ABLIM1: variants seen among roughly 807,000 people sequenced by gnomAD.
ABLIM1 encodes the protein actin binding LIM protein 1.
Under a neutral mutation model 107.0 loss-of-function variants are expected in ABLIM1, and 40 were observed. The observed-to-expected ratio is 0.37, with a 90% CI of 0.29 to 0.49. The LOEUF is 0.49. Ranked by LOEUF, ABLIM1 falls within the 20% of genes least tolerant of loss-of-function variation. The pLI is 0.97. For missense variants in ABLIM1, 857 were observed against 1,008.5 expected (o/e 0.85, Z 2.04); for synonymous variants, 357 against 357.3 (o/e 1.00, Z 0.01).
chr10:114,663,655 A>G (rs1350990763), intron 1 of ABLIM1, among the ~76,000 whole-genome samples: 1 of 152,240 alleles, frequency 6.6e-6, no homozygotes, highest in Non-Finnish European at 1.5e-5. Flanking sequence ...TGGTTAGAGC[A>G]TAGCTAAGTG....
intron 1 of ABLIM1, chr10:114,610,782 A>G (rs963199356): frequency 2.0e-5 from 3 of 152,198 alleles, no homozygotes; most frequent in Non-Finnish European, 2.9e-5. Flanking sequence ...CAGAATTATT[A>G]GTTGGCACAA....
chr10:114,697,698 A>C (rs1416154914), intron 1 of ABLIM1, among the ~76,000 whole-genome samples: 1 of 152,258 alleles, frequency 6.6e-6, no homozygotes, highest in African/African-American at 2.4e-5. Flanking sequence ...ATGCCCATCA[A>C]TAAATCCATT....
chr10:114,801,049 AT>A, the ABLIM1 span, among the ~76,000 whole-genome samples: 1 of 152,250 alleles, frequency 6.6e-6, no homozygotes, highest in African/African-American at 2.4e-5. Flanking sequence ...ATTAACACAC[AT>A]TTTGTATGGT....
At chr10:114,470,451 T>C (rs1177792205) in intron 10 of ABLIM1, among the ~76,000 whole-genome samples, 3 of 145,428 alleles carry the variant, frequency 2.1e-5, no homozygotes, top group Admixed American at 2.1e-4. Context: ...AAAGGCAATA[T>C]GTATATGAGG....
At chr10:114,766,843 T>C (rs2082906259) in intron 1 of ABLIM1, among the ~76,000 whole-genome samples, 1 of 152,226 alleles carries the variant, frequency 6.6e-6, no homozygotes, top group African/African-American at 2.4e-5. Flanking sequence ...ATCTGTTCCA[T>C]GCTCTTTTTT....
At chr10:114,468,549 CA>C (rs1025167023) in intron 10 of ABLIM1, among the ~76,000 whole-genome samples, 2 of 151,800 alleles carry the variant, frequency 1.3e-5, no homozygotes, top group Non-Finnish European at 2.9e-5. Context: ...TTTGGGATTA[CA>C]GGCGTGAGCC....
intron 2 of ABLIM1, among the ~76,000 whole-genome samples, chr10:114,593,077 C>T (rs1255957852): frequency 6.7e-6 from 1 of 148,964 alleles, no homozygotes; most frequent in South Asian, 2.1e-4. Context: ...TAAGAAGAAC[C>T]AGCAATATAA....
At chr10:114,555,542 A>G (rs981636574) in intron 4 of ABLIM1, among the ~76,000 whole-genome samples, 1 of 152,208 alleles carries the variant, frequency 6.6e-6, no homozygotes, top group African/African-American at 2.4e-5. Context: ...AACAGACACT[A>G]CAGAACAAGA....
chr10:114,445,105 T>A (rs926041297), intron 16 of ABLIM1, among the ~76,000 whole-genome samples: 4 of 152,168 alleles, frequency 2.6e-5, no homozygotes, highest in African/African-American at 9.7e-5. Context: ...ACCAATGCCA[T>A]CTCCTCTAGA....
intron 4 of ABLIM1, among the ~76,000 whole-genome samples, chr10:114,560,172 T>G (rs1262139232): frequency 1.3e-5 from 2 of 152,188 alleles, no homozygotes; most frequent in African/African-American, 4.8e-5. Flanking sequence ...TAAAAACAAG[T>G]ACTCAGACAA....
intron 2 of ABLIM1, among the ~76,000 whole-genome samples, chr10:114,598,594 CAAAACAAAAT>C (rs1481983603): frequency 6.6e-6 from 1 of 151,276 alleles, no homozygotes; most frequent in Admixed American, 6.6e-5. Context: ...ATCAAACAAA[CAAAACAAAAT>C]AAAAACAAAA....
intron 6 of ABLIM1, among the ~76,000 whole-genome samples, chr10:114,542,209 G>A (rs746690257): frequency 1.3e-5 from 2 of 152,046 alleles, no homozygotes; most frequent in Non-Finnish European, 2.9e-5. Context: ...AGGAGTTAGA[G>A]ACCAGCCTGG....
Position 114,436,438 on chromosome 10 carries a change from C to T in ABLIM1, c.2224-65G>A, listed in dbSNP as rs1019514647. ...TGATGGCCACACAAATGGCCTTGAGCGTTGCTCTATAGTTTATACAGAGTC... is the reference window on the plus strand; with the variant it reads ...TGATGGCCACACAAATGGCCTTGAGTGTTGCTCTATAGTTTATACAGAGTC... On this transcript the variant is annotated intron_variant, in intron 22 of 22. Coordinates refer to ENST00000533213, the MANE Select transcript of ABLIM1 (RefSeq NM_002313.7). 35 of 1,238,692 alleles carry T rather than the reference C, an allele frequency of 2.8e-5. No homozygotes were observed. The East Asian group carries it at 3.9e-4, about 14-fold the overall frequency. The allele number at this position is 1,238,692 out of a possible 1,614,324, so 76.7% of individuals were successfully genotyped here. A position where few individuals can be genotyped will look rare whatever the true frequency, so the allele number is the denominator to read the frequency against.
At chr10:114,708,683 A>G (rs1290462296) in intron 1 of ABLIM1, among the ~76,000 whole-genome samples, 1 of 152,220 alleles carries the variant, frequency 6.6e-6, no homozygotes, top group Non-Finnish European at 1.5e-5. Context: ...AAGAGGAAAG[A>G]AGAGCAGAGA....
intron 1 of ABLIM1, among the ~76,000 whole-genome samples, chr10:114,644,728 T>C (rs2078938557): frequency 6.6e-6 from 1 of 152,058 alleles, no homozygotes; most frequent in Admixed American, 6.5e-5. Flanking sequence ...CCTAAGAATC[T>C]GAAGTTAGAG....
At chr10:114,749,282 A>G (rs961708634) in intron 1 of ABLIM1, among the ~76,000 whole-genome samples, 3 of 152,098 alleles carry the variant, frequency 2.0e-5, no homozygotes, top group Non-Finnish European at 4.4e-5. Context: ...TCTAAGCCTG[A>G]TGTTAGGCAA....
rs531484078 is a variant in ABLIM1 at position 114,433,626 on chromosome 10, G to A, written c.*2634C>T. On this transcript the variant is annotated 3_prime_UTR_variant, in exon 23 of 23. Transcript: ENST00000533213. The stretch of plus-strand genomic sequence containing the variant: ...GCAGAACTGAGTTTAAAAGATACAA[G>A]GAAAGCAGGGTTTCATTAGTGGGAG... 1 of 152,156 alleles carries A rather than the reference G, an allele frequency of 6.6e-6. No homozygotes were observed. The highest frequency in any genetic ancestry group is 1.5e-5 in the Non-Finnish European group (1 of 68,030). The allele number at this position is 152,156 out of a possible 1,614,324, so 9.4% of individuals were successfully genotyped here. A position where few individuals can be genotyped will look rare whatever the true frequency, so the allele number is the denominator to read the frequency against.
chr10:114,586,998 C>T (rs561347058), intron 2 of ABLIM1, among the ~76,000 whole-genome samples: 47 of 152,308 alleles, frequency 3.1e-4, no homozygotes, highest in African/African-American at 1.1e-3. Flanking sequence ...ATCCACTTTA[C>T]TCTACAAATA....
At chr10:114,462,032 G>A (rs1056256729) in intron 12 of ABLIM1, among the ~76,000 whole-genome samples, 2 of 152,154 alleles carry the variant, frequency 1.3e-5, no homozygotes, top group Non-Finnish European at 1.5e-5. Flanking sequence ...TAAAATCACT[G>A]CATACTGATA....
Sources: gnomAD v4.1 joint callset for allele counts (sites outside exome capture counted in the v4.1 genomes callset) on GRCh38, gnomAD v4.1.1 for gene constraint, MANE v1.5 for transcripts, NCBI Gene and HGNC (gene_info 2026-07-23, HGNC 2026-07-21) for gene names.